WDFY4: variants seen among roughly 807,000 people sequenced by gnomAD.
WDFY4 encodes the protein WDFY family member 4, also known as WD repeat- and FYVE domain-containing protein 4.
A neutral mutation model predicts 351.9 loss-of-function variants in WDFY4; 169 were observed. That is an observed-to-expected ratio of 0.48 (90% CI 0.42 to 0.55). The LOEUF (loss-of-function observed/expected upper bound fraction) is 0.55, where lower values mean the gene tolerates loss of function less well. Among genes scored for constraint, WDFY4 ranks in the 20% least tolerant of loss-of-function variants. The pLI is 0.00. For missense variants in WDFY4, 3,803 were observed against 3,935.6 expected, an observed-to-expected ratio of 0.97 and a Z score of 0.90; for synonymous variants, 1,622 against 1,574.6, an observed-to-expected ratio of 1.03 and a Z score of -0.71.
intron 47 of WDFY4, among the ~76,000 whole-genome samples, chr10:48,939,318 C>T (rs748565185): frequency 1.8e-4 from 28 of 152,358 alleles, no homozygotes; most frequent in South Asian, 4.1e-4. Flanking sequence ...CAATGCTAGC[C>T]TTTTCCAGAC....
At chr10:48,800,580 G>A (rs2067033671) in intron 24 of WDFY4, among the ~76,000 whole-genome samples, 1 of 152,170 alleles carries the variant, frequency 6.6e-6, no homozygotes, top group African/African-American at 2.4e-5. Context: ...GTAAGACAGA[G>A]TTGGATAGGA....
intron 51 of WDFY4, among the ~76,000 whole-genome samples, chr10:48,948,144 C>A (rs145059556): frequency 6.6e-6 from 1 of 152,194 alleles, no homozygotes; most frequent in South Asian, 2.1e-4. Context: ...AAGGAGCAAA[C>A]GTCCTCCTGT....
At chr10:48,881,908 A>G (rs185001315) in intron 43 of WDFY4, among the ~76,000 whole-genome samples, 111 of 152,238 alleles carry the variant, frequency 7.3e-4, no homozygotes, top group Non-Finnish European at 1.4e-3. Flanking sequence ...TAGCTGGTGG[A>G]TCCATCCCCT....
intron 2 of WDFY4, among the ~76,000 whole-genome samples, chr10:48,718,677 G>A (rs1021629533): frequency 6.6e-6 from 1 of 152,196 alleles, no homozygotes; most frequent in African/African-American, 2.4e-5. Context: ...CTCCACTCTG[G>A]CCATTGGTCT....
intron 53 of WDFY4, among the ~76,000 whole-genome samples, chr10:48,961,189 C>T (rs1021937607): frequency 1.3e-5 from 2 of 152,190 alleles, no homozygotes; most frequent in Non-Finnish European, 2.9e-5. Flanking sequence ...TTTATTCTTG[C>T]CTCTGGAAAC....
Position 48,723,462 on chromosome 10 carries a change from G to C in WDFY4, c.486G>C (p.Gly162=). 1 of 1,550,468 alleles carries C rather than the reference G, an allele frequency of 6.4e-7. No homozygotes were observed. Among genetic ancestry groups the C allele is most frequent in the South Asian group, 1.2e-5 (1 of 84,002 alleles). ...SETLGRVAES[G]LPALLLQCLY... ...CGCTGGGCAGGGTTGCTGAGTCTGGGCTTCCAGCCCTGCTCCTACAGTGCC... is the reference window on the plus strand; with the variant it reads ...CGCTGGGCAGGGTTGCTGAGTCTGGCCTTCCAGCCCTGCTCCTACAGTGCC... Residue 162 remains glycine (G), a synonymous_variant, in exon 5 of 62, where the codon GGG becomes GGC. Coordinates refer to ENST00000325239, the MANE Select transcript of WDFY4 (RefSeq NM_001394531.1).
Position 48,849,738 on chromosome 10 carries a change from C to T in WDFY4, c.6663+17029C>T, listed in dbSNP as rs114950597. 9.2e-3 allele frequency among the ~76,000 whole-genome samples: 1,405 copies of T among 152,332 alleles called. 18 individuals carry two copies. The highest frequency in any genetic ancestry group is 0.032 in the African/African-American group (1,321 of 41,578). On this transcript the variant is annotated intron_variant, in intron 39 of 61. Coordinates refer to ENST00000325239, the MANE Select transcript of WDFY4 (RefSeq NM_001394531.1). Reference sequence around the variant, plus strand: ...TTGTTAACATCTTATTACCATGAAACATTTGTCAAAGCTAAGAAATTGACA... The same window carrying T: ...TTGTTAACATCTTATTACCATGAAATATTTGTCAAAGCTAAGAAATTGACA...
intron 20 of WDFY4, among the ~76,000 whole-genome samples, chr10:48,787,939 CTT>C (rs2066521598): frequency 5.9e-5 from 6 of 102,192 alleles, no homozygotes; most frequent in Middle Eastern, 3.8e-3. Flanking sequence ...TCTTCTTCTT[CTT>C]CTTCTTCTTC....
At chr10:48,739,106 A>T (rs74666090) in intron 11 of WDFY4, among the ~76,000 whole-genome samples, 5 of 152,370 alleles carry the variant, frequency 3.3e-5, no homozygotes, top group African/African-American at 9.6e-5. Flanking sequence ...TTGCTAATAT[A>T]CATTTAGCTG....
intron 47 of WDFY4, chr10:48,913,302 G>T: frequency 8.0e-7 from 1 of 1,247,316 alleles, no homozygotes; most frequent in Non-Finnish European, 1.1e-6. Context: ...GCAGCCACAG[G>T]GGAGCCCTTG....
chr10:48,928,981 G>A (rs892474754), intron 47 of WDFY4, among the ~76,000 whole-genome samples: 4 of 152,172 alleles, frequency 2.6e-5, no homozygotes, highest in South Asian at 4.1e-4. Context: ...AAAATAAGGT[G>A]TAATGACAGG....
At chr10:48,954,704 C>T (rs903894874) in intron 51 of WDFY4, among the ~76,000 whole-genome samples, 6 of 152,196 alleles carry the variant, frequency 3.9e-5, no homozygotes, top group Non-Finnish European at 8.8e-5. Flanking sequence ...AAAGCAACTC[C>T]ACTTTTTCTT....
intron 39 of WDFY4, among the ~76,000 whole-genome samples, chr10:48,852,159 T>C (rs758757571): frequency 3.0e-4 from 45 of 152,264 alleles, no homozygotes; most frequent in South Asian, 8.3e-4. Flanking sequence ...TCCACATCCC[T>C]GAGTATGACA....
At chr10:48,973,533 G>A (rs183207924) in intron 57 of WDFY4, among the ~76,000 whole-genome samples, 1 of 152,370 alleles carries the variant, frequency 6.6e-6, no homozygotes, top group East Asian at 1.9e-4. Context: ...TCTCTGCCCT[G>A]AGGGTGGAGG....
intron 32 of WDFY4, among the ~76,000 whole-genome samples, chr10:48,818,236 G>A (rs1169077568): frequency 1.3e-5 from 2 of 152,202 alleles, no homozygotes; most frequent in African/African-American, 4.8e-5. Context: ...GTAGCTAAAG[G>A]AGCATATTTG....
In WDFY4 at chr10:48,969,235, A is replaced by C. The variant is rs1842225826; in HGVS notation, c.8756A>C (p.Tyr2919Ser). Residue 2919 changes from tyrosine to serine, a missense_variant, in exon 56 of 62, where the codon TAC (tyrosine) becomes TCC (serine). By Grantham distance (144) the Tyr-to-Ser change is moderately radical. Around this residue, in one of 3 missense-constraint regions of WDFY4, gnomAD observed 3,054 missense variants for 3,148.6 expected, o/e 0.97. Coordinates refer to ENST00000325239, the MANE Select transcript of WDFY4 (RefSeq NM_001394531.1). The stretch of plus-strand genomic sequence containing the variant: ...GACTTCAGCTGCTGCTTGGGGAGCT[A>C]CGGCTCCGACAAGGTGAGGGGGCTG... ...FDDFSCCLGS[Y>S]GSDKVLMTFE... is the part of the protein sequence containing the mutation. The C allele has an allele frequency of 1.9e-6, 3 of 1,551,346 alleles. No homozygotes were observed. In the East Asian group the frequency reaches 7.3e-5, roughly 38 times the overall value.
At position 48,891,919 on chromosome 10, in the gene WDFY4, T is replaced by C. The variant is rs186958140; in HGVS notation, c.7316+1192T>C. On this transcript the variant is annotated intron_variant, in intron 44 of 61. Coordinates refer to ENST00000325239, the MANE Select transcript of WDFY4 (RefSeq NM_001394531.1). ...AAGAGTAGATGTCAGCCCACCTTGGTTGATTTAGATCAAAATGCTTTAAAA... is the reference window on the plus strand; with the variant it reads ...AAGAGTAGATGTCAGCCCACCTTGGCTGATTTAGATCAAAATGCTTTAAAA... Among the ~76,000 whole-genome samples the C allele has an allele frequency of 6.6e-5, 10 of 152,324 alleles. No homozygotes were observed. The East Asian group carries it at 1.9e-3, about 29-fold the overall frequency.
At chr10:48,899,100 T>C (rs531662564) in intron 45 of WDFY4, among the ~76,000 whole-genome samples, 1 of 151,024 alleles carries the variant, frequency 6.6e-6, no homozygotes, top group South Asian at 2.1e-4. Flanking sequence ...TGGTGATTGT[T>C]TCCAGAGGGT....
intron 57 of WDFY4, among the ~76,000 whole-genome samples, chr10:48,971,510 T>A (rs115265968): frequency 1.3e-5 from 2 of 150,426 alleles, no homozygotes; most frequent in African/African-American, 2.5e-5. Flanking sequence ...AAAAAAAAAA[T>A]TCACCACTGA....
Sources: allele counts gnomAD v4.1 joint callset (sites outside exome capture counted in the v4.1 genomes callset), GRCh38; gene constraint gnomAD v4.1.1; regional missense constraint gnomAD v4.1.1; transcripts MANE v1.5; gene names NCBI Gene and HGNC (gene_info 2026-07-23, HGNC 2026-07-21).